Variants in IPO9 observed in about 807,000 individuals in gnomAD.
The protein encoded by IPO9 is importin 9, also known as importin-9.
Under a neutral mutation model 128.6 loss-of-function variants are expected in IPO9, and 28 were observed. That is an observed-to-expected ratio of 0.22 (90% CI 0.16 to 0.30). The LOEUF is 0.30. IPO9 is among the 10% of genes least tolerant of loss of function. The probability of loss-of-function intolerance (pLI) is 1.00; values close to 1 mark genes in which losing one functional copy is unlikely to be tolerated. For missense variants in IPO9, 935 were observed against 1,293.9 expected (o/e 0.72, Z 4.26); for synonymous variants, 455 against 475.8 (o/e 0.96, Z 0.57).
In IPO9 at chr1:201,878,693, A is replaced by G. The variant is rs1680826284; in HGVS notation, c.*2639A>G. On this transcript the variant is annotated 3_prime_UTR_variant, in exon 24 of 24. Transcript: ENST00000361565. ...AATTGTGTTTCCAGTGCATTTTCAT[A>G]TACATTATCCCATTTAACCTTTATA... is the stretch of plus-strand genomic sequence containing the variant. 1 of 152,248 alleles carries G rather than the reference A, an allele frequency of 6.6e-6. No homozygotes were observed. Among genetic ancestry groups the G allele is most frequent in the Non-Finnish European group, 1.5e-5 (1 of 68,042 alleles). The allele number at this position is 152,248 out of a possible 1,614,324, so 9.4% of individuals were successfully genotyped here.
chr1:201,863,869 A>G (rs775521156), intron 14 of IPO9, among the ~76,000 whole-genome samples: 17 of 152,172 alleles, frequency 1.1e-4, no homozygotes, highest in Admixed American at 3.3e-4. Context: ...CTTTCTCTCA[A>G]TGGTGAAGAA....
intron 13 of IPO9, among the ~76,000 whole-genome samples, chr1:201,860,390 G>C (rs1021003888): frequency 2.4e-4 from 37 of 152,162 alleles, no homozygotes; most frequent in African/African-American, 8.4e-4. Context: ...ATCATATGCT[G>C]CATTGTTGAA....
chr1:201,848,518 A>G lies in IPO9; in HGVS notation c.438A>G (p.Gln146=), dbSNP rs1489658880. The G allele has an allele frequency of 9.9e-6, 16 of 1,613,938 alleles. No individual in the cohort carries two copies. The highest frequency in any genetic ancestry group is 2.2e-5 in the South Asian group (2 of 91,078). The change falls in exon 4 of 24, where the codon CAA becomes CAG. Residue 146 remains glutamine, a synonymous_variant. Coordinates refer to ENST00000361565, the MANE Select transcript of IPO9 (RefSeq NM_018085.5). The part of the protein sequence containing the change: ...AHWDWPEAWP[Q]LFNLLMEMLV... ...GGGACTGGCCTGAAGCTTGGCCCCA[A>G]CTCTTCAACCTGCTCATGGAGATGT... is the stretch of plus-strand genomic sequence containing the variant.
intron 1 of IPO9, among the ~76,000 whole-genome samples, chr1:201,838,918 A>G (rs1444698600): frequency 1.4e-5 from 2 of 142,768 alleles, no homozygotes; most frequent in African/African-American, 5.1e-5. Context: ...CTATTAGAGG[A>G]AACTTTTTTT....
chr1:201,864,876 A>G (rs1479043555), intron 14 of IPO9, among the ~76,000 whole-genome samples: 1 of 152,198 alleles, frequency 6.6e-6, no homozygotes. Context: ...TTTATTTTTA[A>G]TGTTCATATC....
At chr1:201,846,450 G>A (rs181298977) in intron 1 of IPO9, among the ~76,000 whole-genome samples, 79 of 152,316 alleles carry the variant, frequency 5.2e-4, no homozygotes, top group African/African-American at 1.7e-3. Flanking sequence ...TCAGCTCACT[G>A]CAACCTCTGC....
Position 201,848,659 on chromosome 1 carries a change from G to A in IPO9, c.514+65G>A, listed in dbSNP as rs12089434. Reference sequence around the variant, plus strand: ...TCAAGCGACAGGAGTATTACCAGAAGCTATGTGATATAATGGCCTGGACCA... The same window carrying A: ...TCAAGCGACAGGAGTATTACCAGAAACTATGTGATATAATGGCCTGGACCA... On this transcript the variant is annotated intron_variant, in intron 4 of 23. Coordinates refer to ENST00000361565, the MANE Select transcript of IPO9 (RefSeq NM_018085.5). 5 of 1,520,332 alleles carry A rather than the reference G, an allele frequency of 3.3e-6. No homozygotes were observed. In the African/African-American group the frequency reaches 6.9e-5, roughly 21 times the overall value. The allele number at this position is 1,520,332 out of a possible 1,614,324, so 94.2% of individuals were successfully genotyped here.
In IPO9 at chr1:201,847,666, T is replaced by C. The variant is rs1434791035; in HGVS notation, c.312+28T>C. 6 of 1,410,170 alleles carry C rather than the reference T, an allele frequency of 4.3e-6. 1 individual carries two copies. In the East Asian group the frequency reaches 1.1e-4, roughly 27 times the overall value. The allele number at this position is 1,410,170 out of a possible 1,614,324, so 87.4% of individuals were successfully genotyped here. ...AAGTCAGTTACTTGATTAGTCTACCTGAGGAGATTTGAGGGTCCATTTTAA... is the reference window on the plus strand; with the variant it reads ...AAGTCAGTTACTTGATTAGTCTACCCGAGGAGATTTGAGGGTCCATTTTAA... On this transcript the variant is annotated intron_variant, in intron 3 of 23. Coordinates refer to ENST00000361565, the MANE Select transcript of IPO9 (RefSeq NM_018085.5).
chr1:201,875,263 T>TG (rs1680739119), intron 23 of IPO9, 35 bp downstream of exon 23: 1 of 1,563,340 alleles, frequency 6.4e-7, no homozygotes, highest in Admixed American at 1.7e-5. Flanking sequence ...CAAATGACAA[T>TG]GTCCCAGGCC....
chr1:201,829,587 G>A (rs540036625), intron 1 of IPO9: 247 of 365,024 alleles, frequency 6.8e-4, no homozygotes, highest in Admixed American at 1.4e-3. Flanking sequence ...GTGGAGCCTG[G>A]GAGTGGGGGA....
intron 1 of IPO9, among the ~76,000 whole-genome samples, chr1:201,845,259 G>C (rs12092626): frequency 0.014 from 2,079 of 152,152 alleles, 43 homozygotes; most frequent in African/African-American, 0.045. Context: ...CAGGTGATCC[G>C]CCCACTCCCA....
At chr1:201,840,458 A>G (rs929537376) in intron 1 of IPO9, among the ~76,000 whole-genome samples, 7 of 152,220 alleles carry the variant, frequency 4.6e-5, no homozygotes, top group African/African-American at 1.7e-4. Context: ...AATTGGTGCA[A>G]TCCTTCTGAA....
chr1:201,847,437 C>G, intron 2 of IPO9, 97 bp downstream of exon 2: 1 of 1,363,374 alleles, frequency 7.3e-7, no homozygotes, highest in Non-Finnish European at 1.0e-6. Flanking sequence ...TATAAATAAC[C>G]TAGGATGTTG....
At chr1:201,859,993 C>T (rs1245279702) in intron 13 of IPO9, among the ~76,000 whole-genome samples, 1 of 151,986 alleles carries the variant, frequency 6.6e-6, no homozygotes, top group Admixed American at 6.6e-5. Flanking sequence ...ACTATTAGAC[C>T]GATTTCTTCC....
chr1:201,857,055 C>T, intron 10 of IPO9, 41 bp from the exon 11 acceptor site: 2 of 1,172,608 alleles, frequency 1.7e-6, no homozygotes, highest in Non-Finnish European at 2.6e-6. Flanking sequence ...AGCTATGAAT[C>T]AGATTGGCAG....
intron 1 of IPO9, among the ~76,000 whole-genome samples, chr1:201,830,676 C>G (rs1052276902): frequency 6.6e-6 from 1 of 152,206 alleles, no homozygotes; most frequent in African/African-American, 2.4e-5. Flanking sequence ...ACATTAATGT[C>G]TGTCCCCCTT....
chr1:201,843,921 A>G (rs1340733922), intron 1 of IPO9, among the ~76,000 whole-genome samples: 1 of 151,990 alleles, frequency 6.6e-6, no homozygotes, highest in African/African-American at 2.4e-5. Flanking sequence ...ATGGATGAAA[A>G]CCAAAATATA....
chr1:201,858,144 A>T (rs2102880630), intron 11 of IPO9, among the ~76,000 whole-genome samples: 1 of 152,316 alleles, frequency 6.6e-6, no homozygotes, highest in South Asian at 2.1e-4. Context: ...AAGAGAGCAA[A>T]TATTTGGTCC....
At chr1:201,840,385 A>G (rs1323255712) in intron 1 of IPO9, among the ~76,000 whole-genome samples, 6 of 152,194 alleles carry the variant, frequency 3.9e-5, no homozygotes, top group East Asian at 1.9e-4. Context: ...AATTTTAAAT[A>G]TGATAACACA....
Sources: allele counts gnomAD v4.1 joint callset (sites outside exome capture counted in the v4.1 genomes callset), GRCh38; gene constraint gnomAD v4.1.1; transcripts MANE v1.5; gene names NCBI Gene and HGNC (gene_info 2026-07-23, HGNC 2026-07-21).